KLF12: variants seen among roughly 807,000 people sequenced by gnomAD.
The protein encoded by KLF12 is Krueppel-like factor 12.
In KLF12, 9 loss-of-function variants were observed where a neutral mutation model predicts 37.8. The observed-to-expected ratio is 0.24, with a 90% CI of 0.14 to 0.42. The LOEUF (loss-of-function observed/expected upper bound fraction) is 0.42, where lower values mean the gene tolerates loss of function less well. Among genes scored for constraint, KLF12 ranks in the 10% least tolerant of loss-of-function variants. The probability of loss-of-function intolerance (pLI) is 1.00; values close to 1 mark genes in which losing one functional copy is unlikely to be tolerated. For missense variants in KLF12, 411 were observed against 516.0 expected (o/e 0.80, Z 1.97); for synonymous variants, 208 against 202.1 (o/e 1.03, Z -0.25).
intron 2 of KLF12, among the ~76,000 whole-genome samples, chr13:73,945,335 G>C (rs1238427220): frequency 6.6e-6 from 1 of 152,168 alleles, no homozygotes; most frequent in African/African-American, 2.4e-5. Flanking sequence ...TGGGCGTGGT[G>C]GCAGGCACCT....
Position 73,686,207 on chromosome 13 carries a change from T to G in KLF12, c.*9283A>C, listed in dbSNP as rs915331119. On this transcript the variant is annotated 3_prime_UTR_variant, in exon 8 of 8. Transcript: ENST00000377669. Reference sequence around the variant, plus strand: ...GTTCACAGCTCAATTCATAGGAAAGTTGAATACAGAAAAGCAATGCACCAA... The same window carrying G: ...GTTCACAGCTCAATTCATAGGAAAGGTGAATACAGAAAAGCAATGCACCAA... 1 of 152,586 alleles carries G rather than the reference T, an allele frequency of 6.6e-6. No individual in the cohort carries two copies. The highest frequency in any genetic ancestry group is 2.1e-4 in the South Asian group (1 of 4,828). The allele number at this position is 152,586 out of a possible 1,614,324, so 9.5% of individuals were successfully genotyped here.
intron 1 of KLF12, among the ~76,000 whole-genome samples, chr13:74,103,033 G>A (rs961595289): frequency 6.6e-6 from 1 of 152,182 alleles, no homozygotes. Flanking sequence ...AGTATTTATG[G>A]ATGACAGGCA....
the KLF12 span, among the ~76,000 whole-genome samples, chr13:74,238,017 C>T: frequency 6.7e-6 from 1 of 148,506 alleles, no homozygotes; most frequent in Non-Finnish European, 1.5e-5. Context: ...TGCCTTGTGC[C>T]AGTTTTCAAA....
chr13:73,715,375 T>A lies in KLF12; in HGVS notation c.1020A>T (p.Thr340=). The change falls in exon 7 of 8, where the codon ACA becomes ACT. Residue 340 remains threonine, a synonymous_variant. Transcript: ENST00000377669. Reference sequence around the variant, plus strand: ...AGCCCTGCAGAGCGGTACCTGTATGTGTCCTCCGGTGAGCCTTCAGGTGAG... The same window carrying A: ...AGCCCTGCAGAGCGGTACCTGTATGAGTCCTCCGGTGAGCCTTCAGGTGAG... 6.2e-7 allele frequency: 1 copy of A among 1,613,456 alleles called. No homozygotes were observed.
At chr13:74,176,554 C>A in the KLF12 span, among the ~76,000 whole-genome samples, 4,986 of 152,230 alleles carry the variant, frequency 0.033, 248 homozygotes, top group African/African-American at 0.11. Flanking sequence ...GGCACTGAAA[C>A]CTTCAGCTCA....
chr13:73,824,530 A>G (rs1028768997), intron 4 of KLF12, among the ~76,000 whole-genome samples: 2 of 152,170 alleles, frequency 1.3e-5, no homozygotes, highest in Non-Finnish European at 2.9e-5. Context: ...GAATGCTGTC[A>G]CTATTCAAAA....
intron 5 of KLF12, among the ~76,000 whole-genome samples, chr13:73,797,642 C>A (rs904051572): frequency 6.6e-6 from 1 of 151,940 alleles, no homozygotes; most frequent in Admixed American, 6.6e-5. Context: ...TGGTGACATG[C>A]ACCTGTAATT....
At chr13:74,263,585 C>A in the KLF12 span, among the ~76,000 whole-genome samples, 209 of 152,262 alleles carry the variant, frequency 1.4e-3, no homozygotes, top group African/African-American at 4.7e-3. Flanking sequence ...ATTTTCTCTT[C>A]TCATTCAGAG....
the KLF12 span, among the ~76,000 whole-genome samples, chr13:74,271,370 C>T: frequency 3.5e-4 from 53 of 152,260 alleles, no homozygotes; most frequent in African/African-American, 1.3e-3. Context: ...AAGCCTTGGA[C>T]ATTAATATGA....
chr13:73,951,627 G>A (rs1890651007), intron 2 of KLF12, among the ~76,000 whole-genome samples: 1 of 152,158 alleles, frequency 6.6e-6, no homozygotes, highest in Non-Finnish European at 1.5e-5. Flanking sequence ...GCAAGGCAAA[G>A]GCAAACTGAT....
chr13:73,898,540 C>T lies in KLF12; in HGVS notation c.123+45441G>A, dbSNP rs151151516. On this transcript the variant is annotated intron_variant, in intron 3 of 7. Transcript: ENST00000377669. ...TCCTACTTACAACCTTCATCCAAGC[C>T]TGGCCCACTTATTAAGTCCATAATG... is the stretch of plus-strand genomic sequence containing the variant. Among the ~76,000 whole-genome samples, 92 of 152,234 alleles carry T rather than the reference C, an allele frequency of 6.0e-4. 1 individual carries two copies. Among genetic ancestry groups the T allele is most frequent in the African/African-American group, 2.2e-3 (91 of 41,526 alleles).
At chr13:73,856,463 T>G (rs1464407839) in intron 3 of KLF12, among the ~76,000 whole-genome samples, 2 of 152,140 alleles carry the variant, frequency 1.3e-5, no homozygotes, top group South Asian at 2.1e-4. Context: ...TAAAATACCT[T>G]AGAACTAATA....
chr13:74,126,938 C>A (rs2139008015), intron 1 of KLF12, among the ~76,000 whole-genome samples: 1 of 152,328 alleles, frequency 6.6e-6, no homozygotes, highest in Non-Finnish European at 1.5e-5. Flanking sequence ...AAGTTCTTAA[C>A]TTCTGTATTA....
intron 4 of KLF12, among the ~76,000 whole-genome samples, chr13:73,815,108 T>C (rs1218870072): frequency 2.0e-5 from 3 of 152,128 alleles, no homozygotes; most frequent in Non-Finnish European, 4.4e-5. Flanking sequence ...TAGGCAATAA[T>C]ATTCATTAAG....
the KLF12 span, among the ~76,000 whole-genome samples, chr13:74,150,452 T>A: frequency 6.6e-6 from 1 of 152,236 alleles, no homozygotes; most frequent in African/African-American, 2.4e-5. Flanking sequence ...CTTTTCCATC[T>A]CAACTATTCA....
chr13:74,090,601 T>C (rs2138815045), intron 1 of KLF12, among the ~76,000 whole-genome samples: 1 of 152,230 alleles, frequency 6.6e-6, no homozygotes, highest in Non-Finnish European at 1.5e-5. Flanking sequence ...TGATGACTAA[T>C]GATGATGAAC....
the KLF12 span, among the ~76,000 whole-genome samples, chr13:74,142,847 A>T: frequency 2.6e-5 from 4 of 152,222 alleles, no homozygotes; most frequent in Non-Finnish European, 5.9e-5. Context: ...ATTTGTAAAG[A>T]TGAGTATTTA....
At chr13:73,912,009 G>A (rs1467691263) in intron 3 of KLF12, among the ~76,000 whole-genome samples, 4 of 152,146 alleles carry the variant, frequency 2.6e-5, no homozygotes, top group Admixed American at 2.6e-4. Context: ...CATTGCTGAT[G>A]GTTTAACTAC....
chr13:74,192,328 A>C, the KLF12 span, among the ~76,000 whole-genome samples: 1,185 of 152,312 alleles, frequency 7.8e-3, 16 homozygotes, highest in African/African-American at 0.027. Context: ...ACAGTTTGTT[A>C]AAGTCTTAAA....
Sources: allele counts gnomAD v4.1 joint callset (sites outside exome capture counted in the v4.1 genomes callset), GRCh38; gene constraint gnomAD v4.1.1; transcripts MANE v1.5; gene names NCBI Gene and HGNC (gene_info 2026-07-23, HGNC 2026-07-21).